Variants in EPHB1 observed in about 807,000 individuals in gnomAD.
EPHB1 encodes the protein ephrin type-B receptor 1.
A neutral mutation model predicts 94.4 loss-of-function variants in EPHB1; 30 were observed. The observed-to-expected ratio is 0.32, with a 90% CI of 0.24 to 0.43. The LOEUF is 0.43. Among genes scored for constraint, EPHB1 ranks in the 20% least tolerant of loss-of-function variants. The pLI, the probability that EPHB1 is intolerant of heterozygous loss-of-function variation, is 1.00. For missense variants in EPHB1, 1,055 were observed against 1,308.3 expected (o/e 0.81, Z 2.99); for synonymous variants, 522 against 489.1 (o/e 1.07, Z -0.89).
In EPHB1 at chr3:135,259,070, A is replaced by G. The variant is rs1004101848; in HGVS notation, c.2905A>G (p.Ile969Val). 1.2e-6 allele frequency: 2 copies of G among 1,610,986 alleles called. No individual in the cohort carries two copies. ...AGHQKKILNS[I>V]HSMRVQISQS... Reference sequence around the variant, plus strand: ...CCATCAGAAGAAGATCCTGAACAGCATTCATTCTATGAGGGTCCAGATAAG... The same window carrying G: ...CCATCAGAAGAAGATCCTGAACAGCGTTCATTCTATGAGGGTCCAGATAAG... The change falls in exon 16 of 16, where the codon ATT becomes GTT. Residue 969 changes from isoleucine (I) to valine (V), a missense_variant. By Grantham distance (29) the Ile-to-Val change is conservative (BLOSUM62 3). Transcript: ENST00000398015.
At chr3:134,880,043 T>C (rs1208599369) in intron 1 of EPHB1, among the ~76,000 whole-genome samples, 4 of 152,258 alleles carry the variant, frequency 2.6e-5, no homozygotes, top group African/African-American at 9.6e-5. Flanking sequence ...TGGCCTTCCC[T>C]GATGCTGCAC....
chr3:134,968,750 C>G (rs1933859006), intron 3 of EPHB1, among the ~76,000 whole-genome samples: 1 of 152,178 alleles, frequency 6.6e-6, no homozygotes, highest in Admixed American at 6.5e-5. Context: ...ACCCCCAGGG[C>G]AACCAGTGAT....
At position 135,171,170 on chromosome 3, in the gene EPHB1, G is replaced by GA. The variant is rs201484898; in HGVS notation, c.1759+4173dup. On this transcript the variant is annotated intron_variant, in intron 9 of 15. Transcript: ENST00000398015. ...CTGGGAACCCCCAAAGTTTCATTAA[G>GA]AAAAAAAAATATGAGGACCTCGTCT... Among the ~76,000 whole-genome samples the GA allele has an allele frequency of 9.3e-5, 14 of 150,686 alleles. No homozygotes were observed. In the South Asian group the frequency reaches 1.0e-3, roughly 11 times the overall value.
intron 1 of EPHB1, among the ~76,000 whole-genome samples, chr3:134,846,613 C>G (rs561955023): frequency 6.6e-6 from 1 of 152,264 alleles, no homozygotes; most frequent in Admixed American, 6.5e-5. Flanking sequence ...AAAATCTGCT[C>G]CTGCCTGAGG....
chr3:135,187,835 C>G (rs915401415), intron 10 of EPHB1, among the ~76,000 whole-genome samples: 2 of 152,094 alleles, frequency 1.3e-5, no homozygotes, highest in African/African-American at 4.8e-5. Context: ...CCTACTTTTC[C>G]TCTCTTTTCT....
chr3:135,179,280 ATTTTCTAAGC>A, intron 9 of EPHB1, among the ~76,000 whole-genome samples: 1 of 151,978 alleles, frequency 6.6e-6, no homozygotes. Flanking sequence ...CTCTATTAGT[ATTTTCTAAGC>A]TTTTCTCTTC....
chr3:135,035,102 A>T (rs1391890400), intron 3 of EPHB1, among the ~76,000 whole-genome samples: 2 of 152,192 alleles, frequency 1.3e-5, no homozygotes, highest in African/African-American at 4.8e-5. Flanking sequence ...GCTACATTCC[A>T]ATCTCATGCT....
At chr3:135,194,765 G>A (rs1002523449) in intron 11 of EPHB1, among the ~76,000 whole-genome samples, 1 of 152,158 alleles carries the variant, frequency 6.6e-6, no homozygotes, top group Non-Finnish European at 1.5e-5. Context: ...CTGAGCCCAT[G>A]TACTTTCCCT....
intron 3 of EPHB1, among the ~76,000 whole-genome samples, chr3:134,960,384 C>T (rs1307545352): frequency 6.6e-6 from 1 of 152,186 alleles, no homozygotes; most frequent in Non-Finnish European, 1.5e-5. Context: ...TGTAAATGTT[C>T]AGGCTAAACA....
chr3:134,824,938 T>A (rs1221547554), intron 1 of EPHB1, among the ~76,000 whole-genome samples: 1 of 152,200 alleles, frequency 6.6e-6, no homozygotes, highest in African/African-American at 2.4e-5. Context: ...TGCCAACATC[T>A]GACTGCAACC....
intron 3 of EPHB1, among the ~76,000 whole-genome samples, chr3:135,005,420 T>C (rs1305357207): frequency 6.6e-6 from 1 of 152,256 alleles, no homozygotes; most frequent in East Asian, 1.9e-4. Context: ...TGTTTGTCTG[T>C]GCCCTGCCCC....
At chr3:135,054,595 C>T (rs1424709574) in intron 3 of EPHB1, among the ~76,000 whole-genome samples, 3 of 152,156 alleles carry the variant, frequency 2.0e-5, no homozygotes, top group African/African-American at 4.8e-5. Context: ...TATCAATAGC[C>T]GTGCTTATCT....
At chr3:135,162,260 G>C in intron 7 of EPHB1, 80 bp downstream of exon 7, 1 of 1,413,776 alleles carries the variant, frequency 7.1e-7, no homozygotes, top group Non-Finnish European at 9.4e-7. Flanking sequence ...TGCTGCACTA[G>C]CCAAAAATGC....
intron 3 of EPHB1, among the ~76,000 whole-genome samples, chr3:135,101,894 C>T (rs1474070918): frequency 6.6e-6 from 1 of 152,162 alleles, no homozygotes; most frequent in East Asian, 1.9e-4. Context: ...AAGCATAGCA[C>T]AGATCCTGCT....
At chr3:135,024,421 G>A (rs1936077239) in intron 3 of EPHB1, among the ~76,000 whole-genome samples, 1 of 152,172 alleles carries the variant, frequency 6.6e-6, no homozygotes, top group South Asian at 2.1e-4. Flanking sequence ...GAGAGGGGAA[G>A]TTCCAACTAA....
At chr3:134,863,467 C>T (rs1272861718) in intron 1 of EPHB1, among the ~76,000 whole-genome samples, 3 of 152,172 alleles carry the variant, frequency 2.0e-5, no homozygotes, top group Non-Finnish European at 2.9e-5. Flanking sequence ...ACCTCATGTG[C>T]GCTTTCTTTC....
At chr3:135,150,421 T>C (rs1165279053) in intron 5 of EPHB1, among the ~76,000 whole-genome samples, 1 of 152,228 alleles carries the variant, frequency 6.6e-6, no homozygotes, top group Non-Finnish European at 1.5e-5. Context: ...TTCCCTGAAC[T>C]GTCTTTATCC....
chr3:135,258,436 A>T (rs1933510633), intron 15 of EPHB1, among the ~76,000 whole-genome samples: 1 of 152,214 alleles, frequency 6.6e-6, no homozygotes, highest in Admixed American at 6.5e-5. Flanking sequence ...TATTAATCCA[A>T]TTCAGTGCTC....
At chr3:135,032,426 ATC>A (rs1681197261) in intron 3 of EPHB1, among the ~76,000 whole-genome samples, 1 of 151,824 alleles carries the variant, frequency 6.6e-6, no homozygotes, top group African/African-American at 2.4e-5. Flanking sequence ...ATATTGTTCC[ATC>A]TCTCTGAGGA....
Sources: gnomAD v4.1 joint callset for allele counts (sites outside exome capture counted in the v4.1 genomes callset) on GRCh38, gnomAD v4.1.1 for gene constraint, MANE v1.5 for transcripts, NCBI Gene and HGNC (gene_info 2026-07-23, HGNC 2026-07-21) for gene names.